FGF10: variants seen among roughly 807,000 people sequenced by gnomAD.
FGF10 encodes fibroblast growth factor 10.
A neutral mutation model predicts 19.8 loss-of-function variants in FGF10; 2 were observed. The ratio of observed to expected loss-of-function variants is 0.10; its 90% CI spans 0.04 to 0.32. The LOEUF is 0.32. Ranked by LOEUF, FGF10 falls within the 10% of genes least tolerant of loss-of-function variation. FGF10 has a pLI of 1.00. For missense variants in FGF10, 191 were observed against 246.3 expected (o/e 0.78, Z 1.50); for synonymous variants, 112 against 94.0 (o/e 1.19, Z -1.10).
chr5:44,370,624 C>G (rs1376813878), intron 1 of FGF10, among the ~76,000 whole-genome samples: 1 of 152,124 alleles, frequency 6.6e-6, no homozygotes, highest in Non-Finnish European at 1.5e-5. Context: ...TCTAAATTAG[C>G]AGCTGTTTCA....
intron 1 of FGF10, among the ~76,000 whole-genome samples, chr5:44,366,127 C>CTTTTTTTTTT (rs35522683): frequency 2.4e-4 from 18 of 74,810 alleles, no homozygotes; most frequent in East Asian, 4.6e-4. Flanking sequence ...CAATTATTTC[C>CTTTTTTTTTT]TTTTTTTTTT....
chr5:44,348,609 C>A (rs1741141440), intron 1 of FGF10, among the ~76,000 whole-genome samples: 1 of 151,264 alleles, frequency 6.6e-6, no homozygotes, highest in Non-Finnish European at 1.5e-5. Flanking sequence ...GAGCAGGTTC[C>A]TAGACTTAGC....
chr5:44,353,947 G>A (rs1367678786), intron 1 of FGF10, among the ~76,000 whole-genome samples: 2 of 151,268 alleles, frequency 1.3e-5, no homozygotes, highest in Non-Finnish European at 1.5e-5. Flanking sequence ...AGTAATTTGA[G>A]GATTTTTTCC....
chr5:44,371,988 G>T (rs1183251421), intron 1 of FGF10, among the ~76,000 whole-genome samples: 2 of 152,190 alleles, frequency 1.3e-5, no homozygotes, highest in African/African-American at 4.8e-5. Context: ...TCCTTAATTT[G>T]GGCTGCACAA....
intron 1 of FGF10, among the ~76,000 whole-genome samples, chr5:44,337,370 C>T (rs1032191940): frequency 1.3e-5 from 2 of 152,026 alleles, no homozygotes; most frequent in African/African-American, 2.4e-5. Flanking sequence ...TAAACTACAC[C>T]GACTGACGCA....
chr5:44,376,518 C>CAAAAAAAAAAAAAAAAAAAAAAAAAAAA (rs1265124775), intron 1 of FGF10, among the ~76,000 whole-genome samples: 1 of 72,694 alleles, frequency 1.4e-5, no homozygotes, highest in Admixed American at 1.8e-4. Flanking sequence ...AAAAAAAAAA[C>CAAAAAAAAAAAAAAAAAAAAAAAAAAAA]AAAAAACCCA....
chr5:44,366,982 T>C (rs1181405832), intron 1 of FGF10, among the ~76,000 whole-genome samples: 3 of 152,058 alleles, frequency 2.0e-5, no homozygotes, highest in African/African-American at 7.2e-5. Flanking sequence ...TAAAAGAGTA[T>C]GTCTTCAGGC....
chr5:44,332,401 T>C (rs1437520868), intron 1 of FGF10, among the ~76,000 whole-genome samples: 3 of 152,186 alleles, frequency 2.0e-5, no homozygotes, highest in Middle Eastern at 3.2e-3. Flanking sequence ...GCTTATTTCA[T>C]TAATCTCACA....
At chr5:44,355,569 G>A (rs1414212906) in intron 1 of FGF10, among the ~76,000 whole-genome samples, 4 of 151,096 alleles carry the variant, frequency 2.6e-5, no homozygotes, top group East Asian at 2.0e-4. Flanking sequence ...ACTAACAAAC[G>A]TTTCAGACTC....
chr5:44,374,571 C>G (rs1741813190), intron 1 of FGF10, among the ~76,000 whole-genome samples: 1 of 151,936 alleles, frequency 6.6e-6, no homozygotes, highest in African/African-American at 2.4e-5. Context: ...TCTCTGAGGC[C>G]AAGATAAAGT....
intron 1 of FGF10, among the ~76,000 whole-genome samples, chr5:44,312,719 A>G (rs1740241352): frequency 6.6e-6 from 1 of 152,100 alleles, no homozygotes; most frequent in African/African-American, 2.4e-5. Context: ...CCAAAAGACA[A>G]GAAAGTACTG....
At chr5:44,314,895 T>C (rs527897260) in intron 1 of FGF10, among the ~76,000 whole-genome samples, 3 of 152,096 alleles carry the variant, frequency 2.0e-5, no homozygotes, top group Non-Finnish European at 4.4e-5. Flanking sequence ...GGAGAAAGTA[T>C]ATGGCAAATA....
intron 1 of FGF10, among the ~76,000 whole-genome samples, chr5:44,332,032 A>G (rs1172492996): frequency 6.6e-6 from 1 of 152,084 alleles, no homozygotes; most frequent in Admixed American, 6.6e-5. Flanking sequence ...CTTCAGAAAC[A>G]ACGAATACTA....
At chr5:44,334,093 A>G (rs1740794810) in intron 1 of FGF10, among the ~76,000 whole-genome samples, 1 of 152,192 alleles carries the variant, frequency 6.6e-6, no homozygotes, top group East Asian at 1.9e-4. Flanking sequence ...TTTCCTTATA[A>G]TAATGGTAAA....
At chr5:44,336,071 T>C (rs1359679681) in intron 1 of FGF10, among the ~76,000 whole-genome samples, 1 of 152,046 alleles carries the variant, frequency 6.6e-6, no homozygotes, top group African/African-American at 2.4e-5. Context: ...TTTATCATTG[T>C]ATATTAATGA....
chr5:44,311,026 C>T (rs1400960104), intron 1 of FGF10, among the ~76,000 whole-genome samples: 1 of 152,062 alleles, frequency 6.6e-6, no homozygotes, highest in African/African-American at 2.4e-5. Flanking sequence ...ATCTAAATCT[C>T]TTGGCTACAT....
chr5:44,384,765 T>C (rs190826769), intron 1 of FGF10, among the ~76,000 whole-genome samples: 1 of 152,266 alleles, frequency 6.6e-6, no homozygotes, highest in Admixed American at 6.5e-5. Flanking sequence ...ATAAAGCCTA[T>C]ACTACATACT....
intron 1 of FGF10, among the ~76,000 whole-genome samples, chr5:44,386,072 T>C (rs1218523802): frequency 6.6e-6 from 1 of 152,066 alleles, no homozygotes; most frequent in African/African-American, 2.4e-5. Context: ...GAAAATAAAA[T>C]ATTAGTATAT....
At position 44,349,172 on chromosome 5, in the gene FGF10, C is replaced by T. The variant is rs551264419; in HGVS notation, c.326-38642G>A. ...TTCTCTGCCCCTCTCCCACTTTCTA[C>T]TTTGAGCAAATTTCTCATAGGCACT... On this transcript the variant is annotated intron_variant, in intron 1 of 2. Coordinates refer to ENST00000264664, the MANE Select transcript of FGF10 (RefSeq NM_004465.2). 6.6e-5 allele frequency among the ~76,000 whole-genome samples: 10 copies of T among 150,862 alleles called. No homozygotes were observed. In the South Asian group the frequency reaches 2.1e-3, roughly 31 times the overall value.
Sources: allele counts gnomAD v4.1 joint callset (sites outside exome capture counted in the v4.1 genomes callset), GRCh38; gene constraint gnomAD v4.1.1; transcripts MANE v1.5; gene names NCBI Gene and HGNC (gene_info 2026-07-23, HGNC 2026-07-21).